The following DCAF5 variants were observed in gnomAD, a reference collection of about 807,000 sequenced individuals.
DCAF5 encodes the protein DDB1- and CUL4-associated factor 5.
Under a neutral mutation model 80.7 loss-of-function variants are expected in DCAF5, and 9 were observed. The ratio of observed to expected loss-of-function variants is 0.11; its 90% CI spans 0.07 to 0.19. The LOEUF is 0.19. Ranked by LOEUF, DCAF5 falls within the 10% of genes least tolerant of loss-of-function variation. The pLI is 1.00. For missense variants in DCAF5, 842 were observed against 1,205.7 expected (o/e 0.70, Z 4.47); for synonymous variants, 433 against 461.9 (o/e 0.94, Z 0.80).
At chr14:69,122,893 T>C (rs1014902085) in intron 1 of DCAF5, among the ~76,000 whole-genome samples, 1 of 152,244 alleles carries the variant, frequency 6.6e-6, no homozygotes, top group African/African-American at 2.4e-5. Context: ...AGACAGAATA[T>C]GGCTCAGCCC....
intron 7 of DCAF5, among the ~76,000 whole-genome samples, chr14:69,074,296 G>A (rs753742311): frequency 6.6e-6 from 1 of 151,908 alleles, no homozygotes; most frequent in African/African-American, 2.4e-5. Context: ...AGCTGTTTGA[G>A]TATTAAAAAC....
At chr14:69,107,995 T>C (rs61981647) in intron 5 of DCAF5, among the ~76,000 whole-genome samples, 36,411 of 152,182 alleles carry the variant, frequency 0.24, 5,825 homozygotes, top group Middle Eastern at 0.43. Context: ...GCCTCCTTTC[T>C]GTGAAGCAGC....
chr14:69,065,096 C>CT (rs34005299), intron 7 of DCAF5, among the ~76,000 whole-genome samples: 96,728 of 120,148 alleles, frequency 0.81, 41,297 homozygotes, highest in Non-Finnish European at 0.91. Flanking sequence ...AATATGACCT[C>CT]TTTTTTTTTT....
At chr14:69,114,090 G>A (rs2040463033) in intron 5 of DCAF5, among the ~76,000 whole-genome samples, 1 of 152,166 alleles carries the variant, frequency 6.6e-6, no homozygotes, top group Non-Finnish European at 1.5e-5. Flanking sequence ...TCAAGTGTTG[G>A]TGAAGGTCTG....
chr14:69,100,099 A>C (rs1469482034), intron 5 of DCAF5, among the ~76,000 whole-genome samples: 1 of 152,176 alleles, frequency 6.6e-6, no homozygotes, highest in African/African-American at 2.4e-5. Flanking sequence ...AATTATGCTC[A>C]AAAATAGATA....
intron 4 of DCAF5, among the ~76,000 whole-genome samples, chr14:69,117,526 G>T (rs143800716): frequency 4.9e-4 from 74 of 152,284 alleles, no homozygotes; most frequent in African/African-American, 1.8e-3. Context: ...GCTGGTACTA[G>T]AGGAAGGGGC....
chr14:69,092,686 T>C (rs2039574296), intron 5 of DCAF5, among the ~76,000 whole-genome samples: 1 of 152,222 alleles, frequency 6.6e-6, no homozygotes, highest in East Asian at 1.9e-4. Flanking sequence ...CATTACTTAA[T>C]TTTGAATTTT....
chr14:69,086,087 T>C (rs1442670537), intron 6 of DCAF5, among the ~76,000 whole-genome samples: 1 of 152,218 alleles, frequency 6.6e-6, no homozygotes. Context: ...CTGGGCATTG[T>C]GGTTCATGCC....
chr14:69,143,720 T>G (rs1011526232), intron 1 of DCAF5: 2 of 152,492 alleles, frequency 1.3e-5, no homozygotes, highest in Admixed American at 6.5e-5. Flanking sequence ...CAGTGGCGAC[T>G]AATAAGTACT....
At chr14:69,056,822 A>AC (rs943734022) in intron 8 of DCAF5, among the ~76,000 whole-genome samples, 1 of 151,638 alleles carries the variant, frequency 6.6e-6, no homozygotes, top group African/African-American at 2.4e-5. Flanking sequence ...TCTGCAGAGG[A>AC]CCCCCCATTT....
In DCAF5 at chr14:69,069,610, C is replaced by CTCTT. The variant is rs932162164; in HGVS notation, c.946+5731_946+5734dup. Among the ~76,000 whole-genome samples, 5 of 152,148 alleles carry CTCTT rather than the reference C, an allele frequency of 3.3e-5. No individual in the cohort carries two copies. In the South Asian group the frequency reaches 8.3e-4, roughly 25 times the overall value. ...CACCATGCCCAGTTTTCTTTCTGTT[C>CTCTT]TCTTTCTTTCTTTCGTTCTTTTCTT... On this transcript the variant is annotated intron_variant, in intron 7 of 8. Transcript: ENST00000341516.
In DCAF5 at chr14:69,077,663, C is replaced by T. The variant is rs570060467; in HGVS notation, c.880-2252G>A. Among the ~76,000 whole-genome samples, 22 of 152,258 alleles carry T rather than the reference C, an allele frequency of 1.4e-4. No homozygotes were observed. In the East Asian group the frequency reaches 1.7e-3, roughly 12 times the overall value. On this transcript the variant is annotated intron_variant, in intron 6 of 8. Transcript: ENST00000341516. The stretch of plus-strand genomic sequence containing the variant: ...AATGTGTTGGGATTATAGGAATAGG[C>T]TACACGCCTAGCCAGGTCTAGAGTT...
At chr14:69,126,744 A>G (rs904159533) in intron 1 of DCAF5, among the ~76,000 whole-genome samples, 2 of 152,196 alleles carry the variant, frequency 1.3e-5, no homozygotes, top group African/African-American at 4.8e-5. Flanking sequence ...GGGGCCAAAA[A>G]CAGACCCACG....
rs2039534637 is a variant in DCAF5 at position 69,091,561 on chromosome 14, C to A, written c.879+113G>T. On this transcript the variant is annotated intron_variant, in intron 6 of 8. Coordinates refer to ENST00000341516, the MANE Select transcript of DCAF5 (RefSeq NM_003861.3). ...GAACATCTCCAGGCACTCACTGTTT[C>A]CCCTTAATTGTTTCTACCTGACATA... 3 of 970,168 alleles carry A rather than the reference C, an allele frequency of 3.1e-6. No individual in the cohort carries two copies. The South Asian group carries it at 4.9e-5, about 16-fold the overall frequency. 60.1% of individuals were successfully genotyped at this position (970,168 alleles called of 1,614,324 possible). A position where few individuals can be genotyped will look rare whatever the true frequency, so the allele number is the denominator to read the frequency against.
rs915562926 is a variant in DCAF5 at position 69,124,862 on chromosome 14, AT to A, written c.215-2503del. On this transcript the variant is annotated intron_variant, in intron 1 of 8. Coordinates refer to ENST00000341516, the MANE Select transcript of DCAF5 (RefSeq NM_003861.3). ...GACTTATCACTGCTTCTGCTACTAT[AT>A]TTTTTTTTAATTAGATAAGTATTTC... Among the ~76,000 whole-genome samples, 1,072 of 151,364 alleles carry A rather than the reference AT, an allele frequency of 7.1e-3. 14 individuals are homozygous for A. The highest frequency in any genetic ancestry group is 0.023 in the African/African-American group (960 of 41,264).
chr14:69,066,368 C>T (rs184846606), intron 7 of DCAF5, among the ~76,000 whole-genome samples: 72 of 152,262 alleles, frequency 4.7e-4, no homozygotes, highest in African/African-American at 1.5e-3. Flanking sequence ...AACTCCTGAC[C>T]TCATAATCTG....
intron 7 of DCAF5, among the ~76,000 whole-genome samples, chr14:69,063,027 C>G (rs1359987992): frequency 6.6e-6 from 1 of 152,116 alleles, no homozygotes; most frequent in Admixed American, 6.5e-5. Context: ...AAAACCAAAA[C>G]CACTGGGGGA....
chr14:69,119,137 C>T (rs1476648430), intron 3 of DCAF5, 57 bp downstream of exon 3: 3 of 1,558,826 alleles, frequency 1.9e-6, no homozygotes, highest in South Asian at 1.2e-5. Flanking sequence ...GAGATATTTG[C>T]CTCTTCATAT....
At chr14:69,070,990 G>A (rs542384239) in intron 7 of DCAF5, among the ~76,000 whole-genome samples, 2 of 152,124 alleles carry the variant, frequency 1.3e-5, no homozygotes, top group South Asian at 4.1e-4. Context: ...TAAAGACAGT[G>A]TTTCACTATG....
Sources: gnomAD v4.1 joint callset for allele counts (sites outside exome capture counted in the v4.1 genomes callset) on GRCh38, gnomAD v4.1.1 for gene constraint, MANE v1.5 for transcripts, NCBI Gene and HGNC (gene_info 2026-07-23, HGNC 2026-07-21) for gene names.